CCDC30: variants seen among roughly 807,000 people sequenced by gnomAD.
The protein encoded by CCDC30 is coiled-coil domain-containing protein 30.
A neutral mutation model predicts 100.2 loss-of-function variants in CCDC30; 70 were observed. That is an observed-to-expected ratio of 0.70 (90% CI 0.58 to 0.85). The LOEUF (loss-of-function observed/expected upper bound fraction) is 0.85, where lower values mean the gene tolerates loss of function less well. CCDC30 is among the 40% of genes least tolerant of loss of function. The pLI is 0.00. For missense variants in CCDC30, 652 were observed against 771.2 expected (o/e 0.85, Z 1.83); for synonymous variants, 233 against 269.5 (o/e 0.86, Z 1.33).
At chr1:42,594,190 A>G (rs1646241021) in intron 10 of CCDC30, 1 of 152,206 alleles carries the variant, frequency 6.6e-6, no homozygotes, top group African/African-American at 2.4e-5. Flanking sequence ...CTCAATCCAC[A>G]TGCGTGGATA....
Position 42,566,503 on chromosome 1 carries a change from G to A in CCDC30, c.636+28G>A, listed in dbSNP as rs1645609714. ...AACTCTTGTGGGCAAATGCTTTATG[G>A]AAGGGTTTCAGTTGGCCCTGGGAAT... On this transcript the variant is annotated intron_variant, in intron 7 of 16. Coordinates refer to ENST00000668663, the Ensembl canonical transcript of CCDC30. The A allele has an allele frequency of 3.1e-6, 5 of 1,591,588 alleles. No individual in the cohort carries two copies. In the South Asian group the frequency reaches 3.4e-5, roughly 11 times the overall value.
chr1:42,583,833 T>C (rs1339078817), intron 9 of CCDC30, among the ~76,000 whole-genome samples: 1 of 152,144 alleles, frequency 6.6e-6, no homozygotes, highest in Non-Finnish European at 1.5e-5. Context: ...TGAAATGAAG[T>C]TGAATGTAAA....
chr1:42,595,159 T>C (rs79952926), intron 10 of CCDC30: 1 of 152,300 alleles, frequency 6.6e-6, no homozygotes, highest in African/African-American at 2.4e-5. Context: ...TTTTTATTAC[T>C]ACAAGTCTAG....
intron 11 of CCDC30, among the ~76,000 whole-genome samples, chr1:42,630,722 C>G (rs1647022604): frequency 6.6e-6 from 1 of 152,068 alleles, no homozygotes; most frequent in South Asian, 2.1e-4. Flanking sequence ...TTTACTAATT[C>G]TTCTGCTTGA....
intron 7 of CCDC30, chr1:42,569,114 A>T (rs1645675165): frequency 6.6e-6 from 1 of 152,206 alleles, no homozygotes. Context: ...GATGACACGC[A>T]AATTTGTGAA....
At chr1:42,473,333 A>G in intron 1 of CCDC30, 2 of 1,155,618 alleles carry the variant, frequency 1.7e-6, no homozygotes, top group Non-Finnish European at 2.2e-6. Context: ...AATTTTAAAG[A>G]CACCTGTGAT....
chr1:42,637,165 G>T, intron 11 of CCDC30, 72 bp from the exon 16 acceptor site: 1 of 1,207,866 alleles, frequency 8.3e-7, no homozygotes, highest in South Asian at 1.4e-5. Flanking sequence ...ACCCAAGAAA[G>T]GTGCATATTG....
At position 42,468,209 on chromosome 1, in the gene CCDC30, C is replaced by G. The variant is rs543942076; in HGVS notation, c.-92+4311C>G. Among the ~76,000 whole-genome samples the G allele has an allele frequency of 2.6e-5, 4 of 152,296 alleles. No homozygotes were observed. In the South Asian group the frequency reaches 6.2e-4, roughly 24 times the overall value. On this transcript the variant is annotated intron_variant, in intron 1 of 16. Coordinates refer to ENST00000668663, the Ensembl canonical transcript of CCDC30. ...GAAAAAGAAAGAAATGTATTCCTCC[C>G]ACATAAAAGTCAAAAATAAAACAAT...
chr1:42,496,257 C>T (rs1277058473), intron 4 of CCDC30, among the ~76,000 whole-genome samples: 1 of 151,612 alleles, frequency 6.6e-6, no homozygotes. Context: ...TAGCTGTTGT[C>T]CTGAGTCTTC....
intron 11 of CCDC30, among the ~76,000 whole-genome samples, chr1:42,611,879 A>C (rs1238999626): frequency 6.6e-6 from 1 of 151,938 alleles, no homozygotes; most frequent in Non-Finnish European, 1.5e-5. Flanking sequence ...GGGTCTCACT[A>C]TGTTGCCTCA....
At chr1:42,536,531 A>T (rs1644907991) in intron 6 of CCDC30, 1 of 1,530,636 alleles carries the variant, frequency 6.5e-7, no homozygotes, top group African/African-American at 1.4e-5. Context: ...TGGTCAAAAG[A>T]GAGAGAGAGA....
intron 3 of CCDC30, among the ~76,000 whole-genome samples, chr1:42,483,773 ATGT>A (rs1234287843): frequency 1.3e-5 from 2 of 151,864 alleles, no homozygotes; most frequent in South Asian, 2.1e-4. Flanking sequence ...TATAAATGTT[ATGT>A]TGTTGTTATT....
chr1:42,575,377 C>T (rs992471234), intron 7 of CCDC30, among the ~76,000 whole-genome samples: 5 of 151,862 alleles, frequency 3.3e-5, no homozygotes, highest in Non-Finnish European at 7.4e-5. Context: ...TGGCTGGGTG[C>T]GGTGGCTCAC....
intron 11 of CCDC30, among the ~76,000 whole-genome samples, chr1:42,628,782 T>C (rs1454178838): frequency 1.3e-5 from 2 of 152,198 alleles, no homozygotes; most frequent in Non-Finnish European, 2.9e-5. Context: ...CAATTAAACC[T>C]CTTTTTGTTC....
intron 15 of CCDC30, among the ~76,000 whole-genome samples, chr1:42,648,581 A>G (rs1002953033): frequency 6.6e-6 from 1 of 152,138 alleles, no homozygotes; most frequent in Non-Finnish European, 1.5e-5. Flanking sequence ...GAGGCAGCAG[A>G]ATCACTTGAA....
At chr1:42,456,566 A>T in the CCDC30 span, 1 of 1,474,016 alleles carries the variant, frequency 6.8e-7, no homozygotes, top group Non-Finnish European at 9.0e-7. Flanking sequence ...TGCGCTGCAG[A>T]TGGCGGAAAT....
At chr1:42,619,647 C>T (rs1299202816) in intron 11 of CCDC30, among the ~76,000 whole-genome samples, 1 of 152,118 alleles carries the variant, frequency 6.6e-6, no homozygotes, top group Non-Finnish European at 1.5e-5. Flanking sequence ...GGTATTATAG[C>T]AGCCCTCAGA....
At chr1:42,641,566 AAAAAAAAAC>A (rs1429515805) in intron 12 of CCDC30, among the ~76,000 whole-genome samples, 1 of 122,154 alleles carries the variant, frequency 8.2e-6, no homozygotes, top group Non-Finnish European at 1.7e-5. Context: ...ACAAAAAAAC[AAAAAAAAAC>A]AAAAAAAACA....
intron 6 of CCDC30, among the ~76,000 whole-genome samples, chr1:42,560,988 C>T (rs891827511): frequency 6.6e-6 from 1 of 152,106 alleles, no homozygotes; most frequent in Non-Finnish European, 1.5e-5. Context: ...AAAAAGAGCC[C>T]AGGACCAGAC....
Sources: allele counts gnomAD v4.1 joint callset (sites outside exome capture counted in the v4.1 genomes callset), GRCh38; gene constraint gnomAD v4.1.1; transcripts MANE v1.5; gene names NCBI Gene and HGNC (gene_info 2026-07-23, HGNC 2026-07-21).